LIMA1: variants seen among roughly 807,000 people sequenced by gnomAD.
LIMA1 encodes the protein LIM domain and actin binding 1, also known as LIM domain and actin-binding protein 1.
A neutral mutation model predicts 62.6 loss-of-function variants in LIMA1; 52 were observed. The observed-to-expected ratio is 0.83, with a 90% CI of 0.67 to 1.05. LIMA1 has a LOEUF of 1.05. Among genes scored for constraint, LIMA1 ranks in the 50% least tolerant of loss-of-function variants. LIMA1 has a pLI of 0.00. For synonymous variants in LIMA1, 302 were observed against 317.8 expected (o/e 0.95, Z 0.53); for missense variants, 780 against 902.2 (o/e 0.86, Z 1.74).
intron 9 of LIMA1, 55 bp from the exon 10 acceptor site, chr12:50,182,092 T>C (rs1190067874): frequency 1.3e-6 from 2 of 1,599,392 alleles, no homozygotes; most frequent in East Asian, 4.5e-5. Flanking sequence ...TAGCACTGTC[T>C]TGAGATGGAC....
At chr12:50,178,556 C>A (rs565085206) in intron 10 of LIMA1, among the ~76,000 whole-genome samples, 14 of 150,140 alleles carry the variant, frequency 9.3e-5, no homozygotes, top group East Asian at 2.0e-4. Context: ...GAAAAAAAAA[C>A]CAACAGTAAT....
intron 9 of LIMA1, among the ~76,000 whole-genome samples, chr12:50,184,534 A>C (rs904277312): frequency 3.3e-5 from 5 of 152,122 alleles, no homozygotes; most frequent in African/African-American, 9.7e-5. Flanking sequence ...TCCAGCTACC[A>C]GAGAGGCTGA....
chr12:50,228,379 A>G (rs895725561), intron 3 of LIMA1, among the ~76,000 whole-genome samples: 1 of 152,142 alleles, frequency 6.6e-6, no homozygotes, highest in Admixed American at 6.6e-5. Flanking sequence ...CCCAAACAAC[A>G]CAAGATGACC....
chr12:50,233,550 G>GT (rs1349598155), intron 2 of LIMA1, among the ~76,000 whole-genome samples: 1 of 152,172 alleles, frequency 6.6e-6, no homozygotes, highest in Non-Finnish European at 1.5e-5. Context: ...TTGAGACAGA[G>GT]TTTCGCTCTT....
chr12:50,222,448 G>A lies in LIMA1; in HGVS notation c.203C>T (p.Thr68Ile). ...ENLSQHFRKG[T>I]LTVLKKKWEN... ...CCACTTCTTCTTTAACACAGTCAGG[G>A]TCCCCTTTCTAAAGTGCTGGGAGAG... Residue 68 changes from threonine to isoleucine, a missense_variant, in exon 4 of 11, where the codon ACC (threonine) becomes ATC (isoleucine). Transcript: ENST00000341247. 1.2e-6 allele frequency: 2 copies of A among 1,614,110 alleles called. No individual in the cohort carries two copies. The highest frequency in any genetic ancestry group is 1.1e-5 in the South Asian group (1 of 91,080).
At chr12:50,269,722 C>T (rs1942181210) in intron 1 of LIMA1, among the ~76,000 whole-genome samples, 1 of 151,400 alleles carries the variant, frequency 6.6e-6, no homozygotes, top group Admixed American at 6.6e-5. Context: ...AAGTTTGAGA[C>T]CAGCTGACCA....
intron 7 of LIMA1, among the ~76,000 whole-genome samples, chr12:50,197,658 A>G (rs922595420): frequency 6.6e-6 from 1 of 152,222 alleles, no homozygotes; most frequent in African/African-American, 2.4e-5. Flanking sequence ...GTTTCAAATC[A>G]GCATGAAGAC....
intron 2 of LIMA1, among the ~76,000 whole-genome samples, chr12:50,241,933 A>ATTTTT (rs577308413): frequency 0.01 from 375 of 36,428 alleles, 83 homozygotes; most frequent in Non-Finnish European, 0.014. Context: ...TCCTTCCCAG[A>ATTTTT]TTTTTTTTTT....
rs549205266 is a variant in LIMA1, at chr12:50,200,426, C to A, written c.972+351G>T. On this transcript the variant is annotated intron_variant, in intron 7 of 10. Coordinates refer to ENST00000341247, the MANE Select transcript of LIMA1 (RefSeq NM_016357.5). The stretch of plus-strand genomic sequence containing the variant: ...CTGTGGGCTAGGCTGGTCTCGAACT[C>A]CTGACCTCAGGTGATCCACCTGCCT... 7.9e-5 allele frequency among the ~76,000 whole-genome samples: 12 copies of A among 152,138 alleles called. No homozygotes were observed. In the South Asian group the frequency reaches 2.5e-3, roughly 32 times the overall value.
intron 9 of LIMA1, chr12:50,189,421 C>T (rs7138622): frequency 0.3 from 46,197 of 151,938 alleles, 7,328 homozygotes; most frequent in South Asian, 0.4. Flanking sequence ...GAGTTGGGAG[C>T]AGCACAAACC....
At chr12:50,201,326 T>C in intron 6 of LIMA1, 1 of 987,570 alleles carries the variant, frequency 1.0e-6, no homozygotes, top group Non-Finnish European at 1.2e-6. Flanking sequence ...ATGCCCGGCC[T>C]GGAAAGAGAG....
At chr12:50,199,895 T>G (rs929086515) in intron 7 of LIMA1, among the ~76,000 whole-genome samples, 2 of 151,996 alleles carry the variant, frequency 1.3e-5, no homozygotes, top group Non-Finnish European at 2.9e-5. Context: ...CTCTCCCAAA[T>G]AGATTTTTTT....
chr12:50,254,177 G>C (rs947669540), intron 1 of LIMA1, among the ~76,000 whole-genome samples: 1 of 152,106 alleles, frequency 6.6e-6, no homozygotes, highest in Non-Finnish European at 1.5e-5. Flanking sequence ...TGTGAAGGAA[G>C]AACTGCTGGA....
At chr12:50,208,520 T>A (rs1218452282) in intron 4 of LIMA1, among the ~76,000 whole-genome samples, 1 of 151,946 alleles carries the variant, frequency 6.6e-6, no homozygotes, top group African/African-American at 2.4e-5. Context: ...CATTATGGCA[T>A]GCGCCTGTAG....
intron 1 of LIMA1, among the ~76,000 whole-genome samples, chr12:50,274,588 A>C (rs1390295420): frequency 6.6e-6 from 1 of 152,178 alleles, no homozygotes; most frequent in African/African-American, 2.4e-5. Flanking sequence ...TCTCAAAAAA[A>C]AAAAAGACAG....
chr12:50,228,824 A>G (rs1401558444), intron 3 of LIMA1, among the ~76,000 whole-genome samples: 1 of 152,214 alleles, frequency 6.6e-6, no homozygotes, highest in Non-Finnish European at 1.5e-5. Context: ...AGTCTTCCCC[A>G]TCTCAATTAA....
At chr12:50,208,005 T>G (rs1266472384) in intron 4 of LIMA1, among the ~76,000 whole-genome samples, 3 of 152,148 alleles carry the variant, frequency 2.0e-5, no homozygotes, top group Non-Finnish European at 4.4e-5. Flanking sequence ...TTGGTCTGTT[T>G]ATACCACACC....
At chr12:50,191,587 C>T (rs1213780662) in intron 9 of LIMA1, among the ~76,000 whole-genome samples, 1 of 152,028 alleles carries the variant, frequency 6.6e-6, no homozygotes, top group Non-Finnish European at 1.5e-5. Context: ...TTTGGGAGGC[C>T]AAGGCAGGCG....
chr12:50,263,826 T>TATAGAGAGAGTATATATATATAGAG (rs1565862929), intron 1 of LIMA1, among the ~76,000 whole-genome samples: 7 of 121,978 alleles, frequency 5.7e-5, no homozygotes, highest in African/African-American at 1.8e-4. Flanking sequence ...TATATATATA[T>TATAGAGAGAGTATATATATATAGAG]AGAGAGAGTA....
Sources: allele counts gnomAD v4.1 joint callset (sites outside exome capture counted in the v4.1 genomes callset), GRCh38; gene constraint gnomAD v4.1.1; transcripts MANE v1.5; gene names NCBI Gene and HGNC (gene_info 2026-07-23, HGNC 2026-07-21).